STAM: variants seen among roughly 807,000 people sequenced by gnomAD.
STAM encodes the protein signal transducing adaptor molecule, also known as signal transducing adapter molecule 1.
Under a neutral mutation model 63.4 loss-of-function variants are expected in STAM, and 16 were observed. The ratio of observed to expected loss-of-function variants is 0.25; its 90% CI spans 0.17 to 0.38. The LOEUF (loss-of-function observed/expected upper bound fraction) is 0.38. Among genes scored for constraint, STAM ranks in the 10% least tolerant of loss-of-function variants. The pLI is 1.00. For synonymous variants in STAM, 238 were observed against 223.9 expected, an observed-to-expected ratio of 1.06 and a Z score of -0.56; for missense variants, 636 against 657.1, an observed-to-expected ratio of 0.97 and a Z score of 0.35.
chr10:17,644,282 C>G lies in STAM; in HGVS notation c.-58C>G. 1 of 1,598,690 alleles carries G rather than the reference C, an allele frequency of 6.3e-7. No individual in the cohort carries two copies. The highest frequency in any genetic ancestry group is 8.6e-7 in the Non-Finnish European group (1 of 1,166,324). ...GAGGAGTCTTCCATCCTACGTCGAG[C>G]TCTGACTCCCGTGCTGTCGAGAGGG... On this transcript the variant is annotated 5_prime_UTR_variant, in exon 1 of 14. Coordinates refer to ENST00000377524, the MANE Select transcript of STAM (RefSeq NM_003473.4).
At chr10:17,652,392 C>G (rs797025362) in intron 1 of STAM, among the ~76,000 whole-genome samples, 4 of 152,240 alleles carry the variant, frequency 2.6e-5, no homozygotes, top group African/African-American at 9.6e-5. Context: ...AAATATGAAT[C>G]AGATGCTGAT....
chr10:17,690,877 A>G (rs1276062170), intron 5 of STAM, among the ~76,000 whole-genome samples: 1 of 152,210 alleles, frequency 6.6e-6, no homozygotes, highest in Admixed American at 6.5e-5. Context: ...GACAAGTGTT[A>G]TTGTTACATT....
intron 2 of STAM, among the ~76,000 whole-genome samples, chr10:17,673,753 C>CA (rs1834734499): frequency 6.6e-6 from 1 of 152,230 alleles, no homozygotes; most frequent in African/African-American, 2.4e-5. Context: ...ACTCTGGAGT[C>CA]AGATTGTCTG....
chr10:17,689,166 T>A lies in STAM; in HGVS notation c.444+993T>A, dbSNP rs1386011510. ...GTCTTTTTTATTCCTATTTCTATTT[T>A]GGGTAACCTTCCTTTAGGATGCCCA... On this transcript the variant is annotated intron_variant, in intron 5 of 13. Transcript: ENST00000377524. Among the ~76,000 whole-genome samples, 5 of 152,372 alleles carry A rather than the reference T, an allele frequency of 3.3e-5. No homozygotes were observed. The East Asian group carries it at 9.6e-4, about 29-fold the overall frequency.
At chr10:17,663,903 G>C (rs561345663) in intron 2 of STAM, among the ~76,000 whole-genome samples, 1 of 151,738 alleles carries the variant, frequency 6.6e-6, no homozygotes, top group Non-Finnish European at 1.5e-5. Flanking sequence ...TAAACATAAG[G>C]GTCATATTAG....
Position 17,684,916 on chromosome 10 carries a change from G to A in STAM, c.286G>A (p.Val96Ile), listed in dbSNP as rs1280579334. 1.1e-5 allele frequency: 17 copies of A among 1,612,600 alleles called. 1 individual carries two copies. The Admixed American group carries it at 1.5e-4, about 14-fold the overall frequency. The change falls in exon 4 of 14, where the codon GTA becomes ATA. Residue 96 changes from valine to isoleucine, a missense_variant. Val to Ile is a conservative substitution (Grantham distance 29). This residue lies in a region of STAM where 17 missense variants were observed against 39.9 expected (regional missense o/e 0.43). Transcript: ENST00000377524. The part of the protein sequence containing the change: ...SRDFASEVSN[V>I]LNKGHPKVCE... Reference sequence around the variant, plus strand: ...AGATTTTGCTAGTGAAGTAAGCAACGTATTAAATAAGGTAAGGAGCATTAT... The same window carrying A: ...AGATTTTGCTAGTGAAGTAAGCAACATATTAAATAAGGTAAGGAGCATTAT...
At chr10:17,710,381 C>A (rs1373734454) in intron 13 of STAM, among the ~76,000 whole-genome samples, 1 of 152,186 alleles carries the variant, frequency 6.6e-6, no homozygotes, top group Admixed American at 6.5e-5. Context: ...GATGTGAAAT[C>A]CCTGGCATAG....
At chr10:17,692,021 C>A (rs1392077255) in intron 5 of STAM, among the ~76,000 whole-genome samples, 1 of 152,126 alleles carries the variant, frequency 6.6e-6, no homozygotes, top group African/African-American at 2.4e-5. Context: ...CCTGAATGAG[C>A]CCATCTCATC....
At chr10:17,710,196 G>T (rs1554829938) in intron 13 of STAM, among the ~76,000 whole-genome samples, 2 of 152,040 alleles carry the variant, frequency 1.3e-5, no homozygotes, top group Non-Finnish European at 2.9e-5. Context: ...GTCACATGCT[G>T]CTCTACCTTC....
chr10:17,674,077 T>G (rs2131609562), intron 2 of STAM, among the ~76,000 whole-genome samples: 1 of 152,356 alleles, frequency 6.6e-6, no homozygotes, highest in East Asian at 1.9e-4. Flanking sequence ...GATTCATGGC[T>G]GGCTTTTGTA....
chr10:17,680,618 G>A (rs868935610), intron 2 of STAM, among the ~76,000 whole-genome samples: 6 of 151,926 alleles, frequency 3.9e-5, no homozygotes, highest in African/African-American at 1.5e-4. Context: ...TATTGCCCAG[G>A]CTGGTCTCAC....
intron 13 of STAM, among the ~76,000 whole-genome samples, chr10:17,711,163 G>A (rs1224866765): frequency 2.6e-5 from 4 of 152,206 alleles, no homozygotes; most frequent in African/African-American, 9.6e-5. Context: ...ATATATCTGA[G>A]AGGCTATCTC....
intron 2 of STAM, among the ~76,000 whole-genome samples, chr10:17,661,066 A>G (rs1834148337): frequency 6.6e-6 from 1 of 152,188 alleles, no homozygotes; most frequent in African/African-American, 2.4e-5. Context: ...TGAATCAGTT[A>G]GGTGGAATTG....
chr10:17,652,005 G>A (rs567520858), intron 1 of STAM, among the ~76,000 whole-genome samples: 1 of 152,276 alleles, frequency 6.6e-6, no homozygotes, highest in South Asian at 2.1e-4. Flanking sequence ...GAGGCTCTGT[G>A]TATGTTTTTT....
At chr10:17,657,203 C>G (rs567543101) in intron 1 of STAM, among the ~76,000 whole-genome samples, 2 of 152,246 alleles carry the variant, frequency 1.3e-5, no homozygotes, top group South Asian at 4.1e-4. Flanking sequence ...TCATTTAACA[C>G]TTTAATGTTT....
chr10:17,668,089 A>G (rs61842294), intron 2 of STAM, among the ~76,000 whole-genome samples: 16,462 of 152,264 alleles, frequency 0.11, 971 homozygotes, highest in Middle Eastern at 0.16. Flanking sequence ...GAAAAGCCAA[A>G]GTGTTGAAAG....
At position 17,714,816 on chromosome 10, in the gene STAM, A is replaced by C. The variant is rs1836739521; in HGVS notation, c.*36A>C. 6.5e-7 allele frequency: 1 copy of C among 1,536,382 alleles called. No homozygotes were observed. The highest frequency in any genetic ancestry group is 1.1e-5 in the South Asian group (1 of 89,500). Reference sequence around the variant, plus strand: ...TCCTCTTGGTGGCAGATACCTGCTAAATGCCACTGACAATGTTATGAGATT... The same window carrying C: ...TCCTCTTGGTGGCAGATACCTGCTACATGCCACTGACAATGTTATGAGATT... On this transcript the variant is annotated 3_prime_UTR_variant, in exon 14 of 14. Transcript: ENST00000377524.
At chr10:17,684,644 T>G (rs781880033) in intron 2 of STAM, 31 bp from the exon 3 acceptor site, 13 of 1,583,548 alleles carry the variant, frequency 8.2e-6, no homozygotes, top group Non-Finnish European at 1.0e-5. Flanking sequence ...GATGTATTAT[T>G]AAGTAATTTT....
intron 4 of STAM, 81 bp from the exon 5 acceptor site, chr10:17,687,943 TTAA>T (rs1835361583): frequency 2.5e-6 from 3 of 1,208,696 alleles, no homozygotes. Flanking sequence ...AAAACATCAC[TTAA>T]TAACTTTACT....
Sources: gnomAD v4.1 joint callset for allele counts (sites outside exome capture counted in the v4.1 genomes callset) on GRCh38, gnomAD v4.1.1 for gene constraint, gnomAD v4.1.1 regional missense constraint, MANE v1.5 for transcripts, NCBI Gene and HGNC (gene_info 2026-07-23, HGNC 2026-07-21) for gene names.